The following AGO2 variants were observed in gnomAD, a reference collection of about 807,000 sequenced individuals.
AGO2 encodes the protein protein argonaute-2.
In AGO2, 5 loss-of-function variants were observed where a neutral mutation model predicts 102.3. The ratio of observed to expected loss-of-function variants is 0.05; its 90% CI spans 0.03 to 0.10. AGO2 has a LOEUF of 0.10. AGO2 is among the 10% of genes least tolerant of loss of function. AGO2 has a pLI of 1.00. For missense variants in AGO2, 541 were observed against 1,183.7 expected (o/e 0.46, Z 7.97); for synonymous variants, 449 against 473.1 (o/e 0.95, Z 0.66).
chr8:140,621,435 A>T lies in AGO2; in HGVS notation c.22+14050T>A, dbSNP rs149137685. 4.0e-3 allele frequency among the ~76,000 whole-genome samples: 614 copies of T among 152,310 alleles called. 7 individuals are homozygous for T. Among genetic ancestry groups the T allele is most frequent in the African/African-American group, 0.014 (572 of 41,576 alleles). ...ACCGTGAGCTCGCAAGGCAGAAGCCAAGACTGTGTCCATTCACCATTGTCC... is the reference window on the plus strand; with the variant it reads ...ACCGTGAGCTCGCAAGGCAGAAGCCTAGACTGTGTCCATTCACCATTGTCC... On this transcript the variant is annotated intron_variant, in intron 1 of 18. Coordinates refer to ENST00000220592, the MANE Select transcript of AGO2 (RefSeq NM_012154.5).
intron 1 of AGO2, among the ~76,000 whole-genome samples, chr8:140,614,492 T>C (rs1554237): frequency 0.82 from 125,226 of 152,216 alleles, 51,815 homozygotes; most frequent in Admixed American, 0.86. Context: ...GTTTGCTCTA[T>C]TTCAGAGAGG....
rs542930556 is a variant in AGO2, at chr8:140,539,006, C to T, written c.2169+314G>A. 2.6e-5 allele frequency among the ~76,000 whole-genome samples: 4 copies of T among 152,084 alleles called. No individual in the cohort carries two copies. Among genetic ancestry groups the T allele is most frequent in the African/African-American group, 7.2e-5 (3 of 41,414 alleles). ...TAGTCCTAGCTACCAGGGAGGCTGACGTGGGAAGATCACTTGAGCCCAGGA... is the reference window on the plus strand; with the variant it reads ...TAGTCCTAGCTACCAGGGAGGCTGATGTGGGAAGATCACTTGAGCCCAGGA... On this transcript the variant is annotated intron_variant, in intron 16 of 18. Transcript: ENST00000220592. This position sits in a 1 kb window ranked among gnomAD's most constrained non-coding sequence, Gnocchi z 4.7.
intron 1 of AGO2, among the ~76,000 whole-genome samples, chr8:140,609,360 G>A (rs1250209281): frequency 1.3e-5 from 2 of 152,230 alleles, no homozygotes; most frequent in East Asian, 1.9e-4. Context: ...GGTGGCCTGC[G>A]GAGATCACAG....
At chr8:140,607,503 TATATATATATATACAC>T (rs2074018548) in intron 1 of AGO2, among the ~76,000 whole-genome samples, 3 of 12,974 alleles carry the variant, frequency 2.3e-4, no homozygotes, top group African/African-American at 6.3e-4. Flanking sequence ...TATATATATA[TATATATATATATACAC>T]ACACACACAC....
At chr8:140,598,599 G>A (rs1588493614) in intron 1 of AGO2, among the ~76,000 whole-genome samples, 1 of 152,248 alleles carries the variant, frequency 6.6e-6, no homozygotes, top group African/African-American at 2.4e-5. Context: ...TCTTCCTCCC[G>A]CTTGCCCGAC....
At position 140,528,999 on chromosome 8, in the gene AGO2, G is replaced by C. The variant is rs1238696434; in HGVS notation, c.*3045C>G. The C allele has an allele frequency of 1.3e-5, 2 of 152,346 alleles. No homozygotes were observed. Among genetic ancestry groups the C allele is most frequent in the East Asian group, 3.9e-4 (2 of 5,192 alleles). The allele number at this position is 152,346 out of a possible 1,614,324, so 9.4% of individuals were successfully genotyped here. On this transcript the variant is annotated 3_prime_UTR_variant, in exon 19 of 19. Transcript: ENST00000220592. This position sits in a 1 kb window ranked among gnomAD's most constrained non-coding sequence, Gnocchi z 4.5. ...TAAAAACACACCAGGAAGAGTCCCA[G>C]TACAGAAATCGAATTGGGAGACCTC...
the AGO2 span, among the ~76,000 whole-genome samples, chr8:140,641,837 C>T: frequency 4.6e-5 from 7 of 152,156 alleles, no homozygotes; most frequent in South Asian, 2.1e-4. Context: ...TCCAAAGTGC[C>T]GGGCTTACAG....
At chr8:140,630,314 G>A (rs1042496023) in intron 1 of AGO2, among the ~76,000 whole-genome samples, 1 of 152,186 alleles carries the variant, frequency 6.6e-6, no homozygotes, top group African/African-American at 2.4e-5. Flanking sequence ...AAGCTTACAG[G>A]TGCCCACTGC....
At chr8:140,585,379 G>T in intron 1 of AGO2, 68 bp from the exon 2 acceptor site, 2 of 1,525,806 alleles carry the variant, frequency 1.3e-6, no homozygotes, top group East Asian at 2.4e-5. Flanking sequence ...CCCATCCCGC[G>T]GCCCCAAGCC....
intron 1 of AGO2, among the ~76,000 whole-genome samples, chr8:140,607,932 A>G (rs1345141346): frequency 6.6e-6 from 1 of 152,198 alleles, no homozygotes; most frequent in East Asian, 1.9e-4. Flanking sequence ...TTTGTTCCGC[A>G]TATTTTACAA....
rs113216426 is a variant in AGO2 at position 140,540,213 on chromosome 8, C to T, written c.2035-759G>A. ...TGTCCTCCCAGGAGGCCATGGGTCT[C>T]GGGAACGAGCTCTGCTTCCGCTCTG... On this transcript the variant is annotated intron_variant, in intron 15 of 18. Transcript: ENST00000220592. This position sits in a 1 kb window ranked among gnomAD's most constrained non-coding sequence, Gnocchi z 5.0. Among the ~76,000 whole-genome samples the T allele has an allele frequency of 2.7e-4, 41 of 152,308 alleles. No homozygotes were observed. The highest frequency in any genetic ancestry group is 2.3e-3 in the East Asian group (12 of 5,174).
At position 140,525,011 on chromosome 8, in the gene AGO2, A is replaced by G. The variant is rs1564065354; in HGVS notation, c.*7033T>C. The G allele has an allele frequency of 6.6e-6, 1 of 152,228 alleles. No individual in the cohort carries two copies. The highest frequency in any genetic ancestry group is 2.1e-4 in the South Asian group (1 of 4,832). 9.4% of individuals were successfully genotyped at this position (152,228 alleles called of 1,614,324 possible). Reference sequence around the variant, plus strand: ...CTACTTAAATCCAAGGAGGTTTTAAATAGGAGATAACTCAGCCTCTTCCTA... The same window carrying G: ...CTACTTAAATCCAAGGAGGTTTTAAGTAGGAGATAACTCAGCCTCTTCCTA... On this transcript the variant is annotated 3_prime_UTR_variant, in exon 19 of 19. Coordinates refer to ENST00000220592, the MANE Select transcript of AGO2 (RefSeq NM_012154.5).
intron 14 of AGO2, 48 bp from the exon 15 acceptor site, chr8:140,541,406 TTTCCTGGGCATG>T: frequency 1.3e-6 from 2 of 1,504,620 alleles, no homozygotes; most frequent in Non-Finnish European, 1.8e-6. Flanking sequence ...AAAACTTTCC[TTTCCTGGGCATG>T]TGCCTGGACT....
intron 1 of AGO2, among the ~76,000 whole-genome samples, chr8:140,619,024 T>C (rs1466658478): frequency 6.6e-6 from 1 of 151,578 alleles, no homozygotes; most frequent in Non-Finnish European, 1.5e-5. Context: ...CACGGCGGCA[T>C]GATGGGGAGG....
upstream of AGO2, among the ~76,000 whole-genome samples, chr8:140,639,146 G>A (rs928678243): frequency 3.9e-5 from 6 of 152,194 alleles, no homozygotes; most frequent in African/African-American, 1.4e-4. Context: ...GGGACTACAA[G>A]TGTGAGACAC....
rs756174802 is a variant in AGO2, at chr8:140,557,041, C to T, written c.1026+48G>A. 44 of 1,573,282 alleles carry T rather than the reference C, an allele frequency of 2.8e-5. No individual in the cohort carries two copies. Among genetic ancestry groups the T allele is most frequent in the East Asian group, 4.5e-5 (2 of 44,116 alleles). On this transcript the variant is annotated intron_variant, in intron 8 of 18. Transcript: ENST00000220592. This position sits in a 1 kb window ranked among gnomAD's most constrained non-coding sequence, Gnocchi z 5.9. ...CGAAGCTGCATGCCCCAGCCTGGGA[C>T]GCCGCCCTCCCAAGCCCCCAGAGAC...
chr8:140,620,823 C>T (rs1028845779), intron 1 of AGO2, among the ~76,000 whole-genome samples: 1 of 152,100 alleles, frequency 6.6e-6, no homozygotes, highest in East Asian at 1.9e-4. Context: ...CCACTGCAAG[C>T]CAGCTTGGTT....
At position 140,585,229 on chromosome 8, in the gene AGO2, C is replaced by T. The variant is rs1263695560; in HGVS notation, c.105G>A (p.Gly35=). 6.2e-7 allele frequency: 1 copy of T among 1,614,140 alleles called. No homozygotes were observed. The highest frequency in any genetic ancestry group is 1.1e-5 in the South Asian group (1 of 91,076). The change falls in exon 2 of 19, where the codon GGG becomes GGA. Residue 35 remains glycine (G), a synonymous_variant. Transcript: ENST00000220592. The stretch of plus-strand genomic sequence containing the variant: ...AATTGGCCTGTAATTTGATTGTTCT[C>T]CCGGAGGTCCCAAAGTCGGGTCTAG... ...PPPRPDFGTS[G]RTIKLQANFF...
intron 1 of AGO2, among the ~76,000 whole-genome samples, chr8:140,630,538 G>A (rs900578244): frequency 6.6e-6 from 1 of 152,236 alleles, no homozygotes; most frequent in African/African-American, 2.4e-5. Flanking sequence ...AGCAGGCTTG[G>A]GGCTCTCAAT....
Sources: allele counts gnomAD v4.1 joint callset (sites outside exome capture counted in the v4.1 genomes callset), GRCh38; gene constraint gnomAD v4.1.1; non-coding constraint Gnocchi (gnomAD v3.1); transcripts MANE v1.5; gene names NCBI Gene and HGNC (gene_info 2026-07-23, HGNC 2026-07-21).